Variants in CACNG2 observed in about 807,000 individuals in gnomAD.
CACNG2 encodes calcium voltage-gated channel auxiliary subunit gamma 2.
Under a neutral mutation model 25.9 loss-of-function variants are expected in CACNG2, and 3 were observed. That is an observed-to-expected ratio of 0.12 (90% CI 0.05 to 0.30). The LOEUF is 0.30. Among genes scored for constraint, CACNG2 ranks in the 10% least tolerant of loss-of-function variants. CACNG2 has a pLI of 1.00. For synonymous variants in CACNG2, 167 were observed against 173.3 expected (o/e 0.96, Z 0.29); for missense variants, 341 against 432.5 (o/e 0.79, Z 1.88).
chr22:36,623,452 C>A (rs1013401751), intron 1 of CACNG2, among the ~76,000 whole-genome samples: 2 of 152,184 alleles, frequency 1.3e-5, no homozygotes, highest in African/African-American at 2.4e-5. Context: ...CCCCTTCCTG[C>A]TGGTGTAATC....
intron 1 of CACNG2, among the ~76,000 whole-genome samples, chr22:36,615,345 C>T (rs1286684559): frequency 1.3e-5 from 2 of 152,146 alleles, no homozygotes; most frequent in Admixed American, 1.3e-4. Flanking sequence ...CTGCAGGGCC[C>T]TTCTTGGTTT....
chr22:36,577,329 C>T (rs139286938), intron 2 of CACNG2, among the ~76,000 whole-genome samples: 1,544 of 152,178 alleles, frequency 0.01, 24 homozygotes, highest in African/African-American at 0.035. Flanking sequence ...GTCATGAAAT[C>T]GGTGTAGTGG....
At position 36,637,671 on chromosome 22, in the gene CACNG2, C is replaced by T. The variant is rs150787469; in HGVS notation, c.212-50123G>A. On this transcript the variant is annotated intron_variant, in intron 1 of 3. Coordinates refer to ENST00000300105, the MANE Select transcript of CACNG2 (RefSeq NM_006078.5). ...TGAAGAAACCAAGGCTTCAAGAGGT[C>T]GGTGAGCTGCCTAAAACCACACAGC... 2.0e-5 allele frequency among the ~76,000 whole-genome samples: 3 copies of T among 152,214 alleles called. No homozygotes were observed. In the East Asian group the frequency reaches 5.8e-4, roughly 29 times the overall value.
At chr22:36,613,156 C>CTGTGTGTGTGTG (rs61572491) in intron 1 of CACNG2, among the ~76,000 whole-genome samples, 8 of 146,120 alleles carry the variant, frequency 5.5e-5, no homozygotes, top group Admixed American at 2.0e-4. Context: ...TACAGGCTCT[C>CTGTGTGTGTGTG]TGTGTGTGTG....
At chr22:36,598,678 C>A (rs1392319311) in intron 1 of CACNG2, among the ~76,000 whole-genome samples, 1 of 150,902 alleles carries the variant, frequency 6.6e-6, no homozygotes. Context: ...AAACAAAAGA[C>A]ACCTATTTGA....
At chr22:36,680,254 A>G (rs1937087058) in intron 1 of CACNG2, among the ~76,000 whole-genome samples, 2 of 151,332 alleles carry the variant, frequency 1.3e-5, no homozygotes, top group Admixed American at 1.3e-4. Context: ...CATCACCATC[A>G]TCAACACCAC....
At position 36,597,529 on chromosome 22, in the gene CACNG2, G is replaced by A. The variant is rs149742638; in HGVS notation, c.212-9981C>T. 5.0e-3 allele frequency among the ~76,000 whole-genome samples: 760 copies of A among 152,326 alleles called. 8 individuals are homozygous for A. The highest frequency in any genetic ancestry group is 0.018 in the African/African-American group (728 of 41,566). ...AGGGGATTAACTTTGAAGACTCGATGAAATAACAGAAGTGAAGGGCCCCAG... is the reference window on the plus strand; with the variant it reads ...AGGGGATTAACTTTGAAGACTCGATAAAATAACAGAAGTGAAGGGCCCCAG... On this transcript the variant is annotated intron_variant, in intron 1 of 3. Transcript: ENST00000300105.
Position 36,654,694 on chromosome 22 carries a change from G to T in CACNG2, c.211+47672C>A, listed in dbSNP as rs376997366. Reference sequence around the variant, plus strand: ...GAGAAGAGGTGTTTTAACTTCAGACGCATAAAAAAAAGTTCCAATTTAATT... The same window carrying T: ...GAGAAGAGGTGTTTTAACTTCAGACTCATAAAAAAAAGTTCCAATTTAATT... On this transcript the variant is annotated intron_variant, in intron 1 of 3. Transcript: ENST00000300105. Among the ~76,000 whole-genome samples, 11 of 152,166 alleles carry T rather than the reference G, an allele frequency of 7.2e-5. No homozygotes were observed. The South Asian group carries it at 2.1e-3, about 29-fold the overall frequency.
intron 1 of CACNG2, among the ~76,000 whole-genome samples, chr22:36,687,443 GT>G (rs1232811300): frequency 6.6e-6 from 1 of 152,144 alleles, no homozygotes; most frequent in East Asian, 1.9e-4. Context: ...ACCACTGTTA[GT>G]TTTATTTTTC....
chr22:36,599,239 G>GT (rs1236167492), intron 1 of CACNG2, among the ~76,000 whole-genome samples: 1 of 147,668 alleles, frequency 6.8e-6, no homozygotes, highest in Admixed American at 7.1e-5. Flanking sequence ...CAACCCAGAT[G>GT]AATTCCACAA....
At chr22:36,570,771 A>C (rs2145909387) in intron 2 of CACNG2, among the ~76,000 whole-genome samples, 1 of 151,312 alleles carries the variant, frequency 6.6e-6, no homozygotes, top group South Asian at 2.1e-4. Flanking sequence ...TCAAAAAAAA[A>C]AAAAAAAAAA....
intron 2 of CACNG2, among the ~76,000 whole-genome samples, chr22:36,575,423 G>A (rs2145912905): frequency 6.6e-6 from 1 of 152,264 alleles, no homozygotes; most frequent in Admixed American, 6.5e-5. Context: ...GTGACATGGT[G>A]CTTCATGGTG....
At position 36,702,638 on chromosome 22, in the gene CACNG2, G is replaced by T; in HGVS notation, c.-62C>A. The T allele has an allele frequency of 1.5e-6, 2 of 1,343,308 alleles. No individual in the cohort carries two copies. The highest frequency in any genetic ancestry group is 1.1e-6 in the Non-Finnish European group (1 of 934,048). The allele number at this position is 1,343,308 out of a possible 1,614,324, so 83.2% of individuals were successfully genotyped here. A position where few individuals can be genotyped will look rare whatever the true frequency, so the allele number is the denominator to read the frequency against. ...TTCTCGGGAGAGTGTGTGTGAGGGT[G>T]CAAGTACTAAAGCCAAAAAAAATAA... On this transcript the variant is annotated 5_prime_UTR_variant, in exon 1 of 4. Transcript: ENST00000300105.
At position 36,692,030 on chromosome 22, in the gene CACNG2, C is replaced by T. The variant is rs114934070; in HGVS notation, c.211+10336G>A. Among the ~76,000 whole-genome samples the T allele has an allele frequency of 6.0e-3, 910 of 152,244 alleles. 13 individuals are homozygous for T. The highest frequency in any genetic ancestry group is 0.021 in the African/African-American group (859 of 41,534). ...TATGATAGAAAAAAGTGCATACATC[C>T]TTTAAGCAGAGAAAATGAGACAGGA... On this transcript the variant is annotated intron_variant, in intron 1 of 3. Transcript: ENST00000300105.
intron 1 of CACNG2, among the ~76,000 whole-genome samples, chr22:36,644,404 C>T (rs1936488258): frequency 1.3e-5 from 2 of 152,310 alleles, no homozygotes; most frequent in Middle Eastern, 3.4e-3. Context: ...GCTCTATTGT[C>T]TGGGCCAGTA....
At chr22:36,683,309 C>G (rs1040259608) in intron 1 of CACNG2, among the ~76,000 whole-genome samples, 1 of 152,202 alleles carries the variant, frequency 6.6e-6, no homozygotes, top group African/African-American at 2.4e-5. Flanking sequence ...TAAACACCCT[C>G]GGGTCAAAGT....
At chr22:36,680,429 CCACCACCAT>C (rs1404154883) in intron 1 of CACNG2, among the ~76,000 whole-genome samples, 6 of 150,552 alleles carry the variant, frequency 4.0e-5, no homozygotes, top group African/African-American at 7.3e-5. Context: ...ATCATCACCA[CCACCACCAT>C]CACCACCATC....
chr22:36,659,520 C>T (rs1305783073), intron 1 of CACNG2, among the ~76,000 whole-genome samples: 1 of 151,794 alleles, frequency 6.6e-6, no homozygotes, highest in African/African-American at 2.4e-5. Context: ...AAGGGTATGC[C>T]GTGGAGTCTT....
chr22:36,596,938 G>C (rs1042934817), intron 1 of CACNG2, among the ~76,000 whole-genome samples: 3 of 151,768 alleles, frequency 2.0e-5, no homozygotes, highest in Non-Finnish European at 4.4e-5. Context: ...TTTTTGTAGA[G>C]ATGGGGTCTC....
Sources: allele counts gnomAD v4.1 joint callset (sites outside exome capture counted in the v4.1 genomes callset), GRCh38; gene constraint gnomAD v4.1.1; transcripts MANE v1.5; gene names NCBI Gene and HGNC (gene_info 2026-07-23, HGNC 2026-07-21).